The following ROBO1 variants were observed in gnomAD, a reference collection of about 807,000 sequenced individuals.
ROBO1 encodes roundabout homolog 1.
In ROBO1, 149 loss-of-function variants were observed where a neutral mutation model predicts 195.9. That is an observed-to-expected ratio of 0.76 (90% CI 0.67 to 0.87). The LOEUF (loss-of-function observed/expected upper bound fraction) is 0.87. Among genes scored for constraint, ROBO1 ranks in the 40% least tolerant of loss-of-function variants. The probability of loss-of-function intolerance (pLI) is 0.00; values close to 1 mark genes in which losing one functional copy is unlikely to be tolerated. For synonymous variants in ROBO1, 816 were observed against 733.2 expected (o/e 1.11, Z -1.82); for missense variants, 1,933 against 2,068.3 (o/e 0.93, Z 1.27).
intron 2 of ROBO1, among the ~76,000 whole-genome samples, chr3:79,386,382 T>C (rs183575991): frequency 6.6e-6 from 1 of 152,198 alleles, no homozygotes; most frequent in Admixed American, 6.5e-5. Flanking sequence ...TCTAATAATA[T>C]TGAGGTTGTT....
intron 1 of ROBO1, among the ~76,000 whole-genome samples, chr3:79,648,403 A>G (rs1560068279): frequency 6.6e-6 from 1 of 152,100 alleles, no homozygotes; most frequent in Non-Finnish European, 1.5e-5. Flanking sequence ...CAACACAGAC[A>G]CACATATATA....
chr3:79,484,958 T>C (rs1162703583), intron 2 of ROBO1, among the ~76,000 whole-genome samples: 3 of 151,824 alleles, frequency 2.0e-5, no homozygotes, highest in Admixed American at 6.6e-5. Flanking sequence ...TTCACCATAT[T>C]GTCCAGGATG....
At chr3:78,743,540 C>G (rs1435619936) in intron 5 of ROBO1, among the ~76,000 whole-genome samples, 1 of 152,122 alleles carries the variant, frequency 6.6e-6, no homozygotes, top group African/African-American at 2.4e-5. Context: ...ATTGCAGTCT[C>G]CTGTTTTAAA....
chr3:79,242,744 G>T lies in ROBO1; in HGVS notation c.89-117205C>A, dbSNP rs1175196099. On this transcript the variant is annotated intron_variant, in intron 2 of 30. Transcript: ENST00000464233. ...GAAATATTTCCTATAAAAAAAGTCT[G>T]CTCTGTCCAGTGTTCTCATAATAGA... Among the ~76,000 whole-genome samples, 4 of 152,278 alleles carry T rather than the reference G, an allele frequency of 2.6e-5. No individual in the cohort carries two copies. The East Asian group carries it at 5.8e-4, about 22-fold the overall frequency.
chr3:79,621,209 C>G (rs1944997294), intron 1 of ROBO1, among the ~76,000 whole-genome samples: 1 of 152,102 alleles, frequency 6.6e-6, no homozygotes, highest in South Asian at 2.1e-4. Context: ...TCAGTCAAGC[C>G]CTTTCTCTTG....
At chr3:78,600,514 G>A (rs755731366) in intron 29 of ROBO1, among the ~76,000 whole-genome samples, 77 of 152,148 alleles carry the variant, frequency 5.1e-4, no homozygotes, top group Non-Finnish European at 3.8e-4. Context: ...CCTGTTAGTA[G>A]TCAGGGATTT....
At chr3:79,187,274 A>G (rs971294683) in intron 2 of ROBO1, among the ~76,000 whole-genome samples, 2 of 152,038 alleles carry the variant, frequency 1.3e-5, no homozygotes, top group African/African-American at 4.8e-5. Flanking sequence ...CCAGATGACC[A>G]TCTGGAAGAG....
At chr3:78,696,443 CA>C (rs1040929168) in intron 8 of ROBO1, among the ~76,000 whole-genome samples, 3 of 152,028 alleles carry the variant, frequency 2.0e-5, no homozygotes, top group Non-Finnish European at 2.9e-5. Flanking sequence ...ATCAAGGTCA[CA>C]GGGGGTTCAC....
Position 78,627,497 on chromosome 3 carries a change from C to T in ROBO1, c.3699G>A (p.Glu1233=). The T allele has an allele frequency of 6.2e-7, 1 of 1,613,316 alleles. No homozygotes were observed. The highest frequency in any genetic ancestry group is 1.1e-5 in the South Asian group (1 of 90,964). ...GGGGAGTGGGGCCTCGTTCATCTTC[C>T]TCCTCTTCTAATTCATCTTGTTGCA... The part of the protein sequence containing the change: ...MYLQQDELEE[E]EDERGPTPPV... Residue 1233 remains glutamate, a synonymous_variant, in exon 26 of 31, where the codon GAG becomes GAA. Transcript: ENST00000464233.
chr3:79,023,266 C>T (rs907107910), intron 3 of ROBO1, among the ~76,000 whole-genome samples: 3 of 152,128 alleles, frequency 2.0e-5, no homozygotes, highest in South Asian at 2.1e-4. Flanking sequence ...GAGTAATCTG[C>T]GTGATCCTTG....
intron 5 of ROBO1, among the ~76,000 whole-genome samples, chr3:78,728,892 T>C (rs2082224173): frequency 1.3e-5 from 2 of 152,252 alleles, no homozygotes; most frequent in Admixed American, 6.5e-5. Context: ...CCCGTTTCAT[T>C]TGTTTCCTGG....
At chr3:78,911,677 C>T (rs886728345) in intron 4 of ROBO1, among the ~76,000 whole-genome samples, 2 of 152,006 alleles carry the variant, frequency 1.3e-5, no homozygotes, top group Non-Finnish European at 2.9e-5. Context: ...AGCACTAAAT[C>T]AATTGATATG....
chr3:79,624,872 C>T (rs1261976417), intron 1 of ROBO1, among the ~76,000 whole-genome samples: 1 of 152,168 alleles, frequency 6.6e-6, no homozygotes, highest in Non-Finnish European at 1.5e-5. Context: ...ACAGAACTCT[C>T]AATCCCAAAT....
At chr3:79,352,849 A>G (rs1029944750) in intron 2 of ROBO1, among the ~76,000 whole-genome samples, 3 of 152,214 alleles carry the variant, frequency 2.0e-5, no homozygotes, top group Admixed American at 1.3e-4. Flanking sequence ...ATAGATGTCT[A>G]TTTCTTACAA....
In ROBO1 at chr3:79,326,926, C is replaced by A. The variant is rs555599127; in HGVS notation, c.89-201387G>T. Among the ~76,000 whole-genome samples the A allele has an allele frequency of 1.9e-4, 29 of 152,234 alleles. 1 individual carries two copies. The South Asian group carries it at 3.9e-3, about 21-fold the overall frequency. Reference sequence around the variant, plus strand: ...TGACTGTAGGGCTGAACTTCTTGGGCTCAAATTCAAGCTCTGTAATTTACT... The same window carrying A: ...TGACTGTAGGGCTGAACTTCTTGGGATCAAATTCAAGCTCTGTAATTTACT... On this transcript the variant is annotated intron_variant, in intron 2 of 30. Transcript: ENST00000464233.
At chr3:79,147,320 A>G (rs923838986) in intron 2 of ROBO1, among the ~76,000 whole-genome samples, 3 of 151,992 alleles carry the variant, frequency 2.0e-5, no homozygotes, top group Non-Finnish European at 4.4e-5. Context: ...GAAAGCCAAG[A>G]AGCATGGCCT....
chr3:78,972,168 A>T lies in ROBO1; in HGVS notation c.173-33241T>A, dbSNP rs374174934. Among the ~76,000 whole-genome samples, 34 of 152,326 alleles carry T rather than the reference A, an allele frequency of 2.2e-4. 1 individual carries two copies. In the East Asian group the frequency reaches 3.3e-3, roughly 15 times the overall value. On this transcript the variant is annotated intron_variant, in intron 3 of 30. Transcript: ENST00000464233. The stretch of plus-strand genomic sequence containing the variant: ...GTCATATGAGTTAATTCTCACACAG[A>T]TGACTACAGTCCACAGTGTAATTTT...
intron 3 of ROBO1, among the ~76,000 whole-genome samples, chr3:78,993,653 A>ACACCAGATC (rs779267968): frequency 2.6e-4 from 40 of 152,210 alleles, no homozygotes; most frequent in Non-Finnish European, 4.7e-4. Flanking sequence ...AACGTGAATC[A>ACACCAGATC]CACCAGATCG....
chr3:79,421,593 T>C (rs974023241), intron 2 of ROBO1, among the ~76,000 whole-genome samples: 2 of 152,140 alleles, frequency 1.3e-5, no homozygotes, highest in Non-Finnish European at 2.9e-5. Context: ...GTCTGTTTTC[T>C]GCAATAGGAC....
Sources: gnomAD v4.1 joint callset for allele counts (sites outside exome capture counted in the v4.1 genomes callset) on GRCh38, gnomAD v4.1.1 for gene constraint, MANE v1.5 for transcripts, NCBI Gene and HGNC (gene_info 2026-07-23, HGNC 2026-07-21) for gene names.